The following DYSF variants were observed in gnomAD, a reference collection of about 807,000 sequenced individuals.
The protein encoded by DYSF is dystrophy-associated fer-1-like 1.
A neutral mutation model predicts 274.9 loss-of-function variants in DYSF; 212 were observed. That is an observed-to-expected ratio of 0.77 (90% CI 0.69 to 0.86). The LOEUF is 0.86. Ranked by LOEUF, DYSF falls within the 40% of genes least tolerant of loss-of-function variation. The probability of loss-of-function intolerance (pLI) is 0.00; values close to 1 mark genes in which losing one functional copy is unlikely to be tolerated. For synonymous variants in DYSF, 1,091 were observed against 1,078.7 expected (o/e 1.01, Z -0.22); for missense variants, 2,666 against 2,783.2 (o/e 0.96, Z 0.95).
rs1370099386 is a variant in DYSF, at chr2:71,674,293, C to A, written c.5881C>A (p.Leu1961Met). ...TGACAAGTTCTCCTTTGATGATTTT[C>A]TGGGTAAGCGCTATTGCTAGAATCC... ...DNDKFSFDDF[L>M]GSLQLDLNRM... Residue 1961 changes from leucine (L) to methionine (M), a missense_variant, in exon 52 of 56, where the codon CTG becomes ATG. By Grantham distance (15) the Leu-to-Met change is conservative. Coordinates refer to ENST00000410020, the MANE Select transcript of DYSF (RefSeq NM_001130987.2). The A allele has an allele frequency of 3.7e-6, 6 of 1,614,052 alleles. No individual in the cohort carries two copies. The South Asian group carries it at 6.6e-5, about 18-fold the overall frequency.
intron 3 of DYSF, among the ~76,000 whole-genome samples, chr2:71,502,310 G>T (rs1410203440): frequency 6.6e-6 from 1 of 152,012 alleles, no homozygotes; most frequent in Non-Finnish European, 1.5e-5. Flanking sequence ...CATCCATCAG[G>T]AAAAAGCAGT....
intron 18 of DYSF, among the ~76,000 whole-genome samples, 161 bp from the exon 19 acceptor site, chr2:71,551,446 C>T (rs1284489524): frequency 2.0e-5 from 3 of 152,236 alleles, no homozygotes; most frequent in Non-Finnish European, 2.9e-5. Flanking sequence ...ATCCCCCGAA[C>T]TCTCTGGGCC....
At chr2:71,592,807 G>A (rs1043666698) in intron 32 of DYSF, among the ~76,000 whole-genome samples, 1 of 152,190 alleles carries the variant, frequency 6.6e-6, no homozygotes, top group Non-Finnish European at 1.5e-5. Context: ...TATATGGTGG[G>A]TCTCGGGGCT....
chr2:71,668,973 G>C, intron 49 of DYSF, 131 bp downstream of exon 49: 1 of 1,313,738 alleles, frequency 7.6e-7, no homozygotes, highest in South Asian at 1.3e-5. Flanking sequence ...TACAGTTCTC[G>C]TTTGGGCCTG....
At chr2:71,509,058 G>A (rs2085799738) in intron 4 of DYSF, among the ~76,000 whole-genome samples, 1 of 152,064 alleles carries the variant, frequency 6.6e-6, no homozygotes, top group Admixed American at 6.6e-5. Context: ...GTTTTACCAT[G>A]TTGGCCAGGC....
intron 2 of DYSF, 59 bp from the exon 3 acceptor site, chr2:71,481,820 A>G: frequency 1.4e-6 from 2 of 1,442,134 alleles, no homozygotes; most frequent in Admixed American, 3.5e-5. Context: ...GGTGAACCAG[A>G]CACAGTCTCT....
upstream of DYSF, among the ~76,000 whole-genome samples, chr2:71,462,212 C>T (rs1573248688): frequency 6.6e-6 from 1 of 152,184 alleles, no homozygotes. Flanking sequence ...AGTGCAGGGT[C>T]CAGCCACTGC....
chr2:71,552,632 G>A (rs1303511110), intron 19 of DYSF, among the ~76,000 whole-genome samples: 1 of 152,184 alleles, frequency 6.6e-6, no homozygotes, highest in East Asian at 1.9e-4. Context: ...CTGGTCAGGC[G>A]CCTGGTGGCT....
chr2:71,595,485 C>A (rs556723941), intron 32 of DYSF, among the ~76,000 whole-genome samples: 5 of 152,312 alleles, frequency 3.3e-5, no homozygotes, highest in Non-Finnish European at 5.9e-5. Context: ...CTGTCCCCGA[C>A]CCTGGTGGTC....
chr2:71,577,306 A>G (rs1169116021), intron 30 of DYSF, among the ~76,000 whole-genome samples: 1 of 151,554 alleles, frequency 6.6e-6, no homozygotes, highest in Non-Finnish European at 1.5e-5. Flanking sequence ...TGTTACACGA[A>G]CACACACACC....
chr2:71,617,896 T>TGGG (rs1296262968), intron 40 of DYSF, among the ~76,000 whole-genome samples: 2 of 34,732 alleles, frequency 5.8e-5, no homozygotes, highest in Admixed American at 3.5e-4. Context: ...GTGGTAGAGG[T>TGGG]GTGTTTGTGG....
At chr2:71,600,265 G>A (rs916396353) in intron 33 of DYSF, among the ~76,000 whole-genome samples, 1 of 152,246 alleles carries the variant, frequency 6.6e-6, no homozygotes, top group Non-Finnish European at 1.5e-5. Flanking sequence ...CGTGATCACA[G>A]TTTCCCCATT....
Position 71,454,134 on chromosome 2 carries a change from A to G in DYSF, c.88+48A>G, listed in dbSNP as rs1283323428. 4 of 1,568,188 alleles carry G rather than the reference A, an allele frequency of 2.6e-6. No homozygotes were observed. The Admixed American group carries it at 5.3e-5, about 21-fold the overall frequency. The stretch of plus-strand genomic sequence containing the variant: ...GCCCGGGGTCGGGGTGGGGTAGAGG[A>G]GGGGACGCCGCGGCTCTCAACCCTG... On this transcript the variant is annotated intron_variant, in intron 1 of 54. Transcript: ENST00000258104.
intron 41 of DYSF, among the ~76,000 whole-genome samples, chr2:71,625,189 C>T (rs1247208247): frequency 6.6e-6 from 1 of 151,942 alleles, no homozygotes; most frequent in Non-Finnish European, 1.5e-5. Flanking sequence ...TCTGAAATTC[C>T]TATTATATGT....
intron 3 of DYSF, among the ~76,000 whole-genome samples, chr2:71,492,440 G>A (rs920881386): frequency 3.9e-5 from 6 of 152,228 alleles, no homozygotes; most frequent in Non-Finnish European, 7.3e-5. Context: ...ACCAGGGGGA[G>A]ATACAGTGAG....
At chr2:71,489,778 T>TGCAGG (rs2083669408) in intron 3 of DYSF, among the ~76,000 whole-genome samples, 1 of 152,180 alleles carries the variant, frequency 6.6e-6, no homozygotes, top group Non-Finnish European at 1.5e-5. Flanking sequence ...CATCAGAGCT[T>TGCAGG]GCAGGGCAGG....
At chr2:71,668,254 CTTCAGCTCTTTCAT>C (rs2095053562) in intron 48 of DYSF, among the ~76,000 whole-genome samples, 1 of 152,204 alleles carries the variant, frequency 6.6e-6, no homozygotes, top group Non-Finnish European at 1.5e-5. Flanking sequence ...GGTGTGGAAA[CTTCAGCTCTTTCAT>C]CTTCTAGTTC....
At chr2:71,475,325 T>A (rs1231814962) in intron 1 of DYSF, among the ~76,000 whole-genome samples, 2 of 152,226 alleles carry the variant, frequency 1.3e-5, no homozygotes, top group African/African-American at 4.8e-5. Context: ...GACCCATTCA[T>A]TCAGCACCCG....
intron 45 of DYSF, among the ~76,000 whole-genome samples, chr2:71,663,749 T>C (rs2094944108): frequency 6.6e-6 from 1 of 152,194 alleles, no homozygotes; most frequent in Non-Finnish European, 1.5e-5. Flanking sequence ...CAGAAGTGGA[T>C]GTGAAGAGTC....
Sources: gnomAD v4.1 joint callset for allele counts (sites outside exome capture counted in the v4.1 genomes callset) on GRCh38, gnomAD v4.1.1 for gene constraint, MANE v1.5 for transcripts, NCBI Gene and HGNC (gene_info 2026-07-23, HGNC 2026-07-21) for gene names.